Variants in SLC16A12 observed in about 807,000 individuals in gnomAD.
The protein encoded by SLC16A12 is solute carrier family 16 member 12.
SLC16A12 carries 17 observed loss-of-function variants against 42.4 expected under a neutral mutation model. That is an observed-to-expected ratio of 0.40 (90% CI 0.27 to 0.60). SLC16A12 has a LOEUF of 0.60. Among genes scored for constraint, SLC16A12 ranks in the 20% least tolerant of loss-of-function variants. The pLI is 0.42. For missense variants in SLC16A12, 544 were observed against 623.0 expected (o/e 0.87, Z 1.35); for synonymous variants, 224 against 229.4 (o/e 0.98, Z 0.21).
chr10:89,531,472 A>G (rs1385527907), intron 2 of SLC16A12, among the ~76,000 whole-genome samples: 1 of 152,230 alleles, frequency 6.6e-6, no homozygotes, highest in Non-Finnish European at 1.5e-5. Context: ...CGCTGTAAGC[A>G]TGCACCTGAC....
rs35296744 is a variant in SLC16A12 at position 89,453,968 on chromosome 10, TTC to T, written c.200+8409_200+8410del. Among the ~76,000 whole-genome samples the T allele has an allele frequency of 1.8e-3, 277 of 150,930 alleles. 1 individual carries two copies. Among genetic ancestry groups the T allele is most frequent in the African/African-American group, 5.2e-3 (213 of 41,172 alleles). ...CTACTCAATTGCCAAGTTCTACTTA[TTC>T]TCTCTCTCTCTCTCTTTAACCTTTT... is the stretch of plus-strand genomic sequence containing the variant. On this transcript the variant is annotated intron_variant, in intron 3 of 7. Transcript: ENST00000371790.
rs548108342 is a variant in SLC16A12, at chr10:89,507,324, G to A, written c.-47+27177C>T. 1.2e-4 allele frequency among the ~76,000 whole-genome samples: 18 copies of A among 152,272 alleles called. No homozygotes were observed. The South Asian group carries it at 3.5e-3, about 30-fold the overall frequency. ...AAAAAATGTTAAAGGCAGCCAGAGA[G>A]AAAGGTCGGATTACCCACAAAGGGA... On this transcript the variant is annotated intron_variant, in intron 2 of 7. Transcript: ENST00000371790.
chr10:89,552,058 C>T (rs1346704275), intron 2 of SLC16A12, among the ~76,000 whole-genome samples: 2 of 152,164 alleles, frequency 1.3e-5, no homozygotes. Flanking sequence ...GCCTCAGCCT[C>T]CTGAGTAGCT....
At chr10:89,541,482 A>T (rs1360131295) in intron 2 of SLC16A12, among the ~76,000 whole-genome samples, 1 of 152,204 alleles carries the variant, frequency 6.6e-6, no homozygotes, top group Non-Finnish European at 1.5e-5. Context: ...CTGTAACCCC[A>T]GCTACTTGGG....
upstream of SLC16A12, among the ~76,000 whole-genome samples, chr10:89,535,932 C>T (rs868427145): frequency 1.3e-5 from 2 of 152,228 alleles, no homozygotes; most frequent in African/African-American, 2.4e-5. Flanking sequence ...TGCACCGGCT[C>T]ATTCAGCCCC....
At position 89,433,040 on chromosome 10, in the gene SLC16A12, G is replaced by T. The variant is rs747633979; in HGVS notation, c.*24C>A. Reference sequence around the variant, plus strand: ...TGGCCCCACCTCTCTCAAACCTGAAGATTCTGGGGCTCAAGGCCTTTGGTC... The same window carrying T: ...TGGCCCCACCTCTCTCAAACCTGAATATTCTGGGGCTCAAGGCCTTTGGTC... On this transcript the variant is annotated 3_prime_UTR_variant, in exon 8 of 8. Coordinates refer to ENST00000371790, the MANE Select transcript of SLC16A12 (RefSeq NM_213606.4). The T allele has an allele frequency of 3.3e-5, 54 of 1,613,724 alleles. 2 individuals carry two copies. The South Asian group carries it at 5.6e-4, about 17-fold the overall frequency.
intron 2 of SLC16A12, among the ~76,000 whole-genome samples, chr10:89,473,669 T>C (rs1340662919): frequency 6.6e-6 from 1 of 152,150 alleles, no homozygotes; most frequent in African/African-American, 2.4e-5. Context: ...CGCAACTCAC[T>C]AGAGAAGATT....
intron 2 of SLC16A12, among the ~76,000 whole-genome samples, chr10:89,504,615 A>G (rs572951117): frequency 6.6e-6 from 1 of 152,342 alleles, no homozygotes; most frequent in South Asian, 2.1e-4. Flanking sequence ...TCAGAAAATT[A>G]CAGAATATAC....
At chr10:89,538,212 C>CTAG (rs778535147), upstream of SLC16A12, among the ~76,000 whole-genome samples, 23 of 152,276 alleles carry the variant, frequency 1.5e-4, no homozygotes, top group Non-Finnish European at 2.2e-4. Context: ...CAAAGGAACC[C>CTAG]TAGAATCCAA....
chr10:89,536,711 C>T (rs1843667807), upstream of SLC16A12, among the ~76,000 whole-genome samples: 1 of 152,110 alleles, frequency 6.6e-6, no homozygotes, highest in Non-Finnish European at 1.5e-5. Flanking sequence ...GAGGTCATCA[C>T]CTGGGTGCTT....
intron 2 of SLC16A12, among the ~76,000 whole-genome samples, chr10:89,547,305 GAA>G (rs1370016251): frequency 6.6e-6 from 1 of 152,006 alleles, no homozygotes; most frequent in Non-Finnish European, 1.5e-5. Flanking sequence ...ATTACTTGAG[GAA>G]AAAAACATTT....
chr10:89,436,851 A>AGG (rs1212291039), intron 6 of SLC16A12, among the ~76,000 whole-genome samples: 15 of 112,184 alleles, frequency 1.3e-4, no homozygotes, highest in African/African-American at 5.9e-4. Flanking sequence ...GAAAGAAAGA[A>AGG]AAGAAAGAAA....
intron 7 of SLC16A12, among the ~76,000 whole-genome samples, chr10:89,435,633 C>G (rs781254779): frequency 2.0e-5 from 3 of 152,150 alleles, no homozygotes; most frequent in Non-Finnish European, 4.4e-5. Flanking sequence ...AGCCCAGTTC[C>G]TCTGTCTGGC....
intron 2 of SLC16A12, among the ~76,000 whole-genome samples, chr10:89,525,308 C>A (rs527291931): frequency 7.9e-4 from 118 of 149,860 alleles, no homozygotes; most frequent in Non-Finnish European, 1.4e-3. Context: ...TACTATCATG[C>A]AAGAATTGAC....
chr10:89,504,874 C>T, intron 2 of SLC16A12, among the ~76,000 whole-genome samples: 1 of 152,158 alleles, frequency 6.6e-6, no homozygotes, highest in East Asian at 1.9e-4. Flanking sequence ...GGCAGAGGAA[C>T]ATGCAGCCCC....
intron 2 of SLC16A12, among the ~76,000 whole-genome samples, chr10:89,513,791 C>T (rs2133842943): frequency 6.6e-6 from 1 of 152,214 alleles, no homozygotes; most frequent in Admixed American, 6.5e-5. Flanking sequence ...ACCATTTAAA[C>T]CAGGAGTATG....
At position 89,463,388 on chromosome 10, in the gene SLC16A12, CA is replaced by C. The variant is rs1334416064; in HGVS notation, c.-46-765del. Among the ~76,000 whole-genome samples the C allele has an allele frequency of 4.7e-5, 7 of 149,670 alleles. No homozygotes were observed. The East Asian group carries it at 1.4e-3, about 29-fold the overall frequency. On this transcript the variant is annotated intron_variant, in intron 2 of 7. Transcript: ENST00000371790. ...AGAAGCTAGTATATAATATTTAATA[CA>C]ATCCAAATAAGGTAAAAAAAAGATC... is the stretch of plus-strand genomic sequence containing the variant.
At chr10:89,469,853 T>C (rs303207) in intron 2 of SLC16A12, among the ~76,000 whole-genome samples, 76,660 of 152,018 alleles carry the variant, frequency 0.5, 19,644 homozygotes, top group Non-Finnish European at 0.53. Flanking sequence ...TTAACTGGTA[T>C]AGGTAAGCAC....
chr10:89,476,328 TGCCATCC>T (rs1842579256), intron 2 of SLC16A12, among the ~76,000 whole-genome samples: 1 of 152,206 alleles, frequency 6.6e-6, no homozygotes, highest in African/African-American at 2.4e-5. Context: ...CTGTAATCGC[TGCCATCC>T]GCCATGCTGT....
Sources: gnomAD v4.1 joint callset for allele counts (sites outside exome capture counted in the v4.1 genomes callset) on GRCh38, gnomAD v4.1.1 for gene constraint, MANE v1.5 for transcripts, NCBI Gene and HGNC (gene_info 2026-07-23, HGNC 2026-07-21) for gene names.